The following NFILZ variants were observed in gnomAD, a reference collection of about 807,000 sequenced individuals.
NFILZ encodes the protein NFIL3 like protein.
At chr19:8,649,546 C>T (rs993366374) in intron 3 of NFILZ, among the ~76,000 whole-genome samples, 22 of 151,832 alleles carry the variant, frequency 1.4e-4, no homozygotes, top group African/African-American at 4.8e-4. Context: ...GGATTACAGG[C>T]GTGAGCTACC....
At chr19:8,657,762 G>A (rs2043011577) in intron 3 of NFILZ, among the ~76,000 whole-genome samples, 1 of 152,166 alleles carries the variant, frequency 6.6e-6, no homozygotes, top group Non-Finnish European at 1.5e-5. Context: ...GTTTCTGGGG[G>A]GCTCTCAGCC....
At chr19:8,660,512 G>GTA (rs1320970823) in intron 3 of NFILZ, among the ~76,000 whole-genome samples, 1 of 151,842 alleles carries the variant, frequency 6.6e-6, no homozygotes, top group Non-Finnish European at 1.5e-5. Context: ...GTATTGAATT[G>GTA]TGTATACATA....
At chr19:8,635,983 C>G (rs987576468) in intron 3 of NFILZ, among the ~76,000 whole-genome samples, 2 of 151,946 alleles carry the variant, frequency 1.3e-5, no homozygotes, top group African/African-American at 4.8e-5. Context: ...ATTACAGGTG[C>G]GCACCACCAC....
At chr19:8,634,331 C>G (rs2042884956) in intron 2 of NFILZ, among the ~76,000 whole-genome samples, 1 of 151,838 alleles carries the variant, frequency 6.6e-6, no homozygotes, top group African/African-American at 2.4e-5. Context: ...GGGTTTCACT[C>G]TGTTGCCCAG....
Position 8,677,374 on chromosome 19 carries a change from T to C in NFILZ, c.609T>C (p.His203=), listed in dbSNP as rs143951419. 6.6e-6 allele frequency among the ~76,000 whole-genome samples: 1 copy of C among 152,262 alleles called. No individual in the cohort carries two copies. The highest frequency in any genetic ancestry group is 1.5e-5 in the Non-Finnish European group (1 of 68,010). The change falls in exon 6 of 6, where the codon CAT becomes CAC. Residue 203 remains histidine (H), a synonymous_variant. Transcript: ENST00000691075. ...ALFSCHLLEG[H]VGSRPELRPC... is the part of the protein sequence containing the mutation. ...TCAGCTGTCACCTCTTGGAGGGGCA[T>C]GTAGGGTCCAGACCAGAGCTCAGAC...
intron 3 of NFILZ, among the ~76,000 whole-genome samples, chr19:8,636,675 T>TGTTCAAGGTCGGG (rs1445822438): frequency 2.0e-5 from 3 of 151,892 alleles, no homozygotes; most frequent in Non-Finnish European, 2.9e-5. Flanking sequence ...GAGGCTGGCC[T>TGTTCAAGGTCGGG]TGAACTCCCG....
chr19:8,647,870 G>A (rs935110546), intron 3 of NFILZ, among the ~76,000 whole-genome samples: 7 of 151,146 alleles, frequency 4.6e-5, no homozygotes, highest in South Asian at 4.2e-4. Flanking sequence ...CAGGGTGGGA[G>A]AGCATCAGGA....
intron 3 of NFILZ, among the ~76,000 whole-genome samples, chr19:8,667,428 G>A (rs556045431): frequency 2.3e-4 from 35 of 152,168 alleles, no homozygotes; most frequent in African/African-American, 7.2e-4. Flanking sequence ...TTGATATCTG[G>A]GGGGGATTGG....
rs2043121403 is a variant in NFILZ, at chr19:8,678,059, TCTA to T, written c.*425_*427del. On this transcript the variant is annotated 3_prime_UTR_variant, in exon 6 of 6. Coordinates refer to ENST00000691075, the MANE Select transcript of NFILZ (RefSeq NM_001378600.1). ...ATCCATCCATCCATCCATCCACCCA[TCTA>T]TTCATCCATCCATCAATCCATCCAT... Among the ~76,000 whole-genome samples, 1 of 19,256 alleles carries T rather than the reference TCTA, an allele frequency of 5.2e-5. No individual in the cohort carries two copies. Among genetic ancestry groups the T allele is most frequent in the Non-Finnish European group, 1.2e-4 (1 of 8,468 alleles). 12.6% of individuals were successfully genotyped at this position (19,256 alleles called of 152,430 possible).
chr19:8,653,358 G>A (rs1428960964), intron 3 of NFILZ, among the ~76,000 whole-genome samples: 5 of 152,044 alleles, frequency 3.3e-5, no homozygotes, highest in Admixed American at 3.3e-4. Context: ...TGAGATTACA[G>A]GCATGAGCTA....
intron 3 of NFILZ, among the ~76,000 whole-genome samples, chr19:8,661,325 G>C (rs998081641): frequency 4.6e-5 from 7 of 151,520 alleles, no homozygotes; most frequent in Middle Eastern, 6.8e-3. Flanking sequence ...ACCACGCCTG[G>C]CTAGTTTTTT....
chr19:8,652,058 A>C (rs1600144958), intron 3 of NFILZ, among the ~76,000 whole-genome samples: 1 of 152,118 alleles, frequency 6.6e-6, no homozygotes, highest in South Asian at 2.1e-4. Context: ...GAAAACACAG[A>C]ACTTGAATGA....
At chr19:8,654,672 A>C (rs1426989833) in intron 3 of NFILZ, among the ~76,000 whole-genome samples, 2 of 152,174 alleles carry the variant, frequency 1.3e-5, no homozygotes, top group Non-Finnish European at 2.9e-5. Context: ...GAAAAAGAAA[A>C]AGAAATAAAT....
chr19:8,659,758 C>T (rs557876223), intron 3 of NFILZ, among the ~76,000 whole-genome samples: 1 of 152,256 alleles, frequency 6.6e-6, no homozygotes, highest in African/African-American at 2.4e-5. Flanking sequence ...GGCTCCAATT[C>T]GTGCCCTCTG....
intron 3 of NFILZ, among the ~76,000 whole-genome samples, chr19:8,656,289 C>CCTCCTCCCTGAAGCCCCCTTCTTCCTGA (rs1212956882): frequency 6.1e-5 from 2 of 32,942 alleles, no homozygotes; most frequent in Non-Finnish European, 1.5e-4. Context: ...CTTCTCCCCA[C>CCTCCTCCCTGAAGCCCCCTTCTTCCTGA]AGCCCACCTC....
Position 8,676,429 on chromosome 19 carries a change from C to G in NFILZ, c.-43C>G, listed in dbSNP as rs1750525412. ...CTTGGAACTCCAATTGAACTGAGCC[C>G]TGGGCTTGTCTGCTGACCTTCTCAA... On this transcript the variant is annotated 5_prime_UTR_variant, in exon 5 of 6. Coordinates refer to ENST00000691075, the MANE Select transcript of NFILZ (RefSeq NM_001378600.1). 6.6e-6 allele frequency among the ~76,000 whole-genome samples: 1 copy of G among 152,154 alleles called. No individual in the cohort carries two copies. Among genetic ancestry groups the G allele is most frequent in the African/African-American group, 2.4e-5 (1 of 41,442 alleles).
At position 8,680,673 on chromosome 19, in the gene NFILZ, A is replaced by T. The variant is rs1415089623; in HGVS notation, c.*3038A>T. On this transcript the variant is annotated 3_prime_UTR_variant, in exon 6 of 6. Transcript: ENST00000691075. ...ATCAATGATGATACGTGTCATGGAG[A>T]AAAAAGGGAGGCTTGGGAAAGGTAG... is the stretch of plus-strand genomic sequence containing the variant. 6.6e-6 allele frequency among the ~76,000 whole-genome samples: 1 copy of T among 152,210 alleles called. No individual in the cohort carries two copies. Among genetic ancestry groups the T allele is most frequent in the Non-Finnish European group, 1.5e-5 (1 of 68,042 alleles).
At position 8,678,147 on chromosome 19, in the gene NFILZ, GTCCGTCCA is replaced by G. The variant is rs1320067595; in HGVS notation, c.*516_*523del. On this transcript the variant is annotated 3_prime_UTR_variant, in exon 6 of 6. Transcript: ENST00000691075. ...CATCCCTCCATCCATTCATCCACTTGTCCGTCCATCCATCCATCCATCCATCCATCCAT... is the reference window on the plus strand; with the variant it reads ...CATCCCTCCATCCATTCATCCACTTGTCCATCCATCCATCCATCCATCCAT... 0.065 allele frequency among the ~76,000 whole-genome samples: 622 copies of G among 9,592 alleles called. 21 individuals are homozygous for G. Among genetic ancestry groups the G allele is most frequent in the African/African-American group, 0.17 (538 of 3,092 alleles). 6.3% of individuals were successfully genotyped at this position (9,592 alleles called of 152,430 possible). A position where few individuals can be genotyped will look rare whatever the true frequency, so the allele number is the denominator to read the frequency against.
chr19:8,667,451 C>T lies in NFILZ; in HGVS notation c.-163-7100C>T, dbSNP rs188752795. Among the ~76,000 whole-genome samples, 718 of 152,246 alleles carry T rather than the reference C, an allele frequency of 4.7e-3. 4 individuals carry two copies. Among genetic ancestry groups the T allele is most frequent in the Non-Finnish European group, 7.1e-3 (483 of 68,014 alleles). ...TGGGGGGGATTGGTTCTGGGGTCTC[C>T]CTTGGATATTAAAATCCATGGATAC... On this transcript the variant is annotated intron_variant, in intron 3 of 5. Transcript: ENST00000691075.
Sources: gnomAD v4.1 joint callset for allele counts (sites outside exome capture counted in the v4.1 genomes callset) on GRCh38, gnomAD v4.1.1 for gene constraint, MANE v1.5 for transcripts, NCBI Gene and HGNC (gene_info 2026-07-23, HGNC 2026-07-21) for gene names.